The following HEATR6 variants were observed in gnomAD, a reference collection of about 807,000 sequenced individuals.
HEATR6 encodes HEAT repeat containing 6.
Under a neutral mutation model 132.8 loss-of-function variants are expected in HEATR6, and 106 were observed. The ratio of observed to expected loss-of-function variants is 0.80; its 90% CI spans 0.68 to 0.94. The LOEUF (loss-of-function observed/expected upper bound fraction) is 0.94, where lower values mean the gene tolerates loss of function less well. HEATR6 is among the 40% of genes least tolerant of loss of function. HEATR6 has a pLI of 0.00. For missense variants in HEATR6, 1,339 were observed against 1,425.1 expected (o/e 0.94, Z 0.97); for synonymous variants, 529 against 537.8 (o/e 0.98, Z 0.23).
At chr17:60,046,916 G>C (rs889960865) in intron 18 of HEATR6, among the ~76,000 whole-genome samples, 1 of 152,028 alleles carries the variant, frequency 6.6e-6, no homozygotes, top group Non-Finnish European at 1.5e-5. Flanking sequence ...GCCAGGGCTT[G>C]AATCCATGTA....
chr17:60,074,217 T>C, intron 2 of HEATR6: 1 of 728,418 alleles, frequency 1.4e-6, no homozygotes, highest in Non-Finnish European at 1.7e-6. Context: ...AACTGCCTTA[T>C]ACATAATAAA....
intron 8 of HEATR6, among the ~76,000 whole-genome samples, 165 bp downstream of exon 8, chr17:60,067,269 C>CAAAA (rs11339664): frequency 3.3e-5 from 2 of 61,118 alleles, no homozygotes; most frequent in Admixed American, 1.6e-4. Flanking sequence ...GACTCCGTCT[C>CAAAA]AAAAAAAAAA....
chr17:60,050,930 G>A lies in HEATR6; in HGVS notation c.2337C>T (p.Ala779=). The change falls in exon 15 of 20, where the codon GCC becomes GCT. Residue 779 remains alanine, a synonymous_variant. Transcript: ENST00000184956. ...GAGTTGGGTGTTCTGAATTCTGCAG[G>A]GCTCTGGGTAAAGGACCGTTCAGCA... ...TMMLNGPLPR[A]LQNSEHPTLQ... 6.2e-7 allele frequency: 1 copy of A among 1,614,148 alleles called. No individual in the cohort carries two copies. Among genetic ancestry groups the A allele is most frequent in the Non-Finnish European group, 8.5e-7 (1 of 1,180,016 alleles).
At position 60,044,049 on chromosome 17, in the gene HEATR6, A is replaced by G; in HGVS notation, c.3060T>C (p.Ser1020=). ...TCCCCGGGACGGAAAGGGCAGCTGC[A>G]GATCTGATGCGCACTTTGAAGTTCT... ...SCKNFKVRIR[S]AAALSVPGKR... is the part of the protein sequence containing the mutation. The change falls in exon 20 of 20, where the codon TCT becomes TCC. Residue 1020 remains serine, a synonymous_variant. Coordinates refer to ENST00000184956, the MANE Select transcript of HEATR6 (RefSeq NM_022070.5). The G allele has an allele frequency of 6.2e-7, 1 of 1,614,214 alleles. No homozygotes were observed. Among genetic ancestry groups the G allele is most frequent in the South Asian group, 1.1e-5 (1 of 91,088 alleles).
intron 11 of HEATR6, among the ~76,000 whole-genome samples, chr17:60,059,055 C>T (rs1384321236): frequency 2.6e-5 from 4 of 152,018 alleles, no homozygotes; most frequent in South Asian, 4.1e-4. Context: ...TCTATCTGTC[C>T]GTCTGTCTGT....
At chr17:60,076,094 T>C in intron 2 of HEATR6, 36 bp downstream of exon 2, 1 of 1,243,174 alleles carries the variant, frequency 8.0e-7, no homozygotes. Flanking sequence ...CTCTCAAAGT[T>C]CATGATCTGA....
chr17:60,073,633 G>A (rs2083281201), intron 3 of HEATR6, 113 bp downstream of exon 3: 6 of 982,732 alleles, frequency 6.1e-6, no homozygotes, highest in African/African-American at 1.6e-5. Context: ...GGCCCAGAGT[G>A]GTTGAATAAG....
At chr17:60,055,483 TA>T (rs1254645631) in intron 14 of HEATR6, 31 bp downstream of exon 14, 1 of 1,474,604 alleles carries the variant, frequency 6.8e-7, no homozygotes, top group African/African-American at 1.4e-5. Context: ...GAAGCATTAA[TA>T]AAAGAAAACT....
Position 60,073,868 on chromosome 17 carries a change from G to A in HEATR6, c.346C>T (p.His116Tyr). ...NRLQVIVDEQ[H>Y]LDFLLAYTIS... The stretch of plus-strand genomic sequence containing the variant: ...GTATATGCCAACAGGAAATCCAAGT[G>A]CTGTTCATCAACAATTACCTAACAG... The change falls in exon 3 of 20, where the codon CAC (histidine) becomes TAC (tyrosine). Residue 116 changes from histidine (H) to tyrosine (Y), a missense_variant. Coordinates refer to ENST00000184956, the MANE Select transcript of HEATR6 (RefSeq NM_022070.5). The A allele has an allele frequency of 1.9e-6, 3 of 1,613,436 alleles. No homozygotes were observed. Among genetic ancestry groups the A allele is most frequent in the Admixed American group, 1.7e-5 (1 of 59,902 alleles).
Position 60,072,297 on chromosome 17 carries a change from T to A in HEATR6, c.617A>T (p.Tyr206Phe), listed in dbSNP as rs1181528574. Residue 206 changes from tyrosine (Y) to phenylalanine (F), a missense_variant, in exon 5 of 20, where the codon TAC becomes TTC. Physicochemically the swap from Tyr to Phe is conservative, Grantham distance 22. Coordinates refer to ENST00000184956, the MANE Select transcript of HEATR6 (RefSeq NM_022070.5). Reference protein sequence around the residue: ...VPGQPYLEEPYQNVCFQAFLT... With the variant: ...VPGQPYLEEPFQNVCFQAFLT... ...AAAAGCTTGGAAACAGACATTTTGG[T>A]AGGGCTCCTCCAAATACGGCTGTCC... is the stretch of plus-strand genomic sequence containing the variant. 3.1e-6 allele frequency: 5 copies of A among 1,611,202 alleles called. No individual in the cohort carries two copies. The Admixed American group carries it at 8.4e-5, about 27-fold the overall frequency.
Position 60,050,967 on chromosome 17 carries a change from A to C in HEATR6, c.2300T>G (p.Phe767Cys). 2 of 1,614,106 alleles carry C rather than the reference A, an allele frequency of 1.2e-6. No homozygotes were observed. The highest frequency in any genetic ancestry group is 1.7e-6 in the Non-Finnish European group (2 of 1,179,990). Reference protein sequence around the residue: ...QRAPVFLVVMFWTMMLNGPLP... With the variant: ...QRAPVFLVVMCWTMMLNGPLP... Reference sequence around the variant, plus strand: ...AGGACCGTTCAGCATCATAGTCCAGAACATCACCACCTGGAACGGAGGCAA... The same window carrying C: ...AGGACCGTTCAGCATCATAGTCCAGCACATCACCACCTGGAACGGAGGCAA... The change falls in exon 15 of 20, where the codon TTC becomes TGC. Residue 767 changes from phenylalanine to cysteine, a missense_variant. Coordinates refer to ENST00000184956, the MANE Select transcript of HEATR6 (RefSeq NM_022070.5).
At chr17:60,061,339 T>G (rs556233905) in intron 9 of HEATR6, among the ~76,000 whole-genome samples, 1 of 152,164 alleles carries the variant, frequency 6.6e-6, no homozygotes, top group African/African-American at 2.4e-5. Flanking sequence ...GAAGAGAAAT[T>G]TGAAGTACAG....
intron 9 of HEATR6, among the ~76,000 whole-genome samples, chr17:60,061,554 C>A (rs2083211191): frequency 6.6e-6 from 1 of 152,194 alleles, no homozygotes; most frequent in Non-Finnish European, 1.5e-5. Flanking sequence ...ACTTTGTGGG[C>A]CAGTTTCTGT....
chr17:60,063,422 A>G (rs775273820), intron 9 of HEATR6: 9 of 152,174 alleles, frequency 5.9e-5, no homozygotes, highest in Non-Finnish European at 1.2e-4. Context: ...AGAAATTCTT[A>G]AATTAGTCTT....
chr17:60,071,416 C>T (rs190179590), intron 5 of HEATR6, among the ~76,000 whole-genome samples: 111 of 152,220 alleles, frequency 7.3e-4, no homozygotes, highest in Admixed American at 1.8e-3. Context: ...AGAAGCTAAC[C>T]CTCTGCTAAA....
chr17:60,048,983 AATATATATATATATATATATATATAT>A (rs35114523), intron 16 of HEATR6, among the ~76,000 whole-genome samples: 3 of 69,580 alleles, frequency 4.3e-5, no homozygotes, highest in African/African-American at 9.1e-5. Flanking sequence ...ATATATATAT[AATATATATATATATATATATATATAT>A]ATATATATAT....
In HEATR6 at chr17:60,042,902, G is replaced by A; in HGVS notation, c.*661C>T. 1 of 74,126 alleles carries A rather than the reference G, an allele frequency of 1.3e-5. No individual in the cohort carries two copies. The highest frequency in any genetic ancestry group is 1.4e-4 in the Admixed American group (1 of 6,944). 4.6% of individuals were successfully genotyped at this position (74,126 alleles called of 1,614,324 possible). ...CCTGTGTGGCTGTGAGGCACCGTCA[G>A]CATCCTCGGTCCTGTGCGGCTGTGA... On this transcript the variant is annotated 3_prime_UTR_variant, in exon 20 of 20. Coordinates refer to ENST00000184956, the MANE Select transcript of HEATR6 (RefSeq NM_022070.5).
chr17:60,072,753 T>A (rs1352110686), intron 4 of HEATR6, among the ~76,000 whole-genome samples: 1 of 152,240 alleles, frequency 6.6e-6, no homozygotes, highest in Non-Finnish European at 1.5e-5. Flanking sequence ...TACTGCCTAC[T>A]GTGAGAATCG....
chr17:60,067,009 G>T (rs532576821), intron 8 of HEATR6, among the ~76,000 whole-genome samples: 5 of 152,250 alleles, frequency 3.3e-5, no homozygotes, highest in South Asian at 2.1e-4. Flanking sequence ...GGTGGCTCAC[G>T]CCTGTAATCC....
Sources: allele counts gnomAD v4.1 joint callset (sites outside exome capture counted in the v4.1 genomes callset), GRCh38; gene constraint gnomAD v4.1.1; transcripts MANE v1.5; gene names NCBI Gene and HGNC (gene_info 2026-07-23, HGNC 2026-07-21).